CACNB4: variants seen among roughly 807,000 people sequenced by gnomAD.
The protein encoded by CACNB4 is calcium voltage-gated channel auxiliary subunit beta 4, also known as voltage-dependent L-type calcium channel subunit beta-4.
Under a neutral mutation model 71.2 loss-of-function variants are expected in CACNB4, and 32 were observed. That is an observed-to-expected ratio of 0.45 (90% CI 0.34 to 0.60). The LOEUF is 0.60. CACNB4 is among the 20% of genes least tolerant of loss of function. CACNB4 has a pLI of 0.01. For missense variants in CACNB4, 464 were observed against 647.9 expected, an observed-to-expected ratio of 0.72 and a Z score of 3.08; for synonymous variants, 231 against 236.9, an observed-to-expected ratio of 0.97 and a Z score of 0.23.
chr2:152,068,305 CAT>C (rs1686463965), intron 2 of CACNB4, among the ~76,000 whole-genome samples: 2 of 152,154 alleles, frequency 1.3e-5, no homozygotes, highest in African/African-American at 4.8e-5. Context: ...AAAGTCTTCA[CAT>C]GAGGTAGCTG....
intron 2 of CACNB4, among the ~76,000 whole-genome samples, chr2:152,054,672 A>T (rs1045022373): frequency 6.6e-6 from 1 of 152,158 alleles, no homozygotes; most frequent in African/African-American, 2.4e-5. Context: ...TGGTAGTTGC[A>T]CCATTTTACA....
At chr2:152,067,990 G>A (rs1686442368) in intron 2 of CACNB4, among the ~76,000 whole-genome samples, 3 of 152,152 alleles carry the variant, frequency 2.0e-5, no homozygotes, top group Admixed American at 1.3e-4. Context: ...ATTGTGAAAG[G>A]CCTCCTTGAC....
chr2:151,895,101 C>A (rs1388519561), intron 2 of CACNB4, among the ~76,000 whole-genome samples: 3 of 9,386 alleles, frequency 3.2e-4, no homozygotes, highest in Non-Finnish European at 5.2e-4. Flanking sequence ...TAGCCCCACA[C>A]ACACACACAC....
At position 151,870,567 on chromosome 2, in the gene CACNB4, C is replaced by G. The variant is rs556493774; in HGVS notation, c.663G>C (p.Pro221=). 1 of 1,613,856 alleles carries G rather than the reference C, an allele frequency of 6.2e-7. No individual in the cohort carries two copies. Among genetic ancestry groups the G allele is most frequent in the South Asian group, 1.1e-5 (1 of 91,054 alleles). ...PPYDVVPSMR[P]VVLVGPSLKG... ...TCAGTGACGGCCCCACTAACACCACCGGACGCATTGACGGTACAACATCGT... is the reference window on the plus strand; with the variant it reads ...TCAGTGACGGCCCCACTAACACCACGGGACGCATTGACGGTACAACATCGT... Residue 221 remains proline (P), a synonymous_variant, in exon 8 of 14, where the codon CCG becomes CCC. Coordinates refer to ENST00000539935, the MANE Select transcript of CACNB4 (RefSeq NM_000726.5).
At chr2:151,924,654 G>A (rs2099859800) in intron 2 of CACNB4, among the ~76,000 whole-genome samples, 2 of 151,966 alleles carry the variant, frequency 1.3e-5, no homozygotes, top group South Asian at 4.1e-4. Context: ...TCCCTAAGAA[G>A]CATTCTCAAT....
chr2:152,034,931 G>T (rs1279104481), intron 2 of CACNB4, among the ~76,000 whole-genome samples: 4 of 152,218 alleles, frequency 2.6e-5, no homozygotes, highest in Non-Finnish European at 4.4e-5. Context: ...AAGGAATCGT[G>T]AGTGCAGCTG....
chr2:152,098,564 G>GCGGGCCCCCCCCCCCCCCCC lies in CACNB4; in HGVS notation c.64-152_64-151insGGGGGGGGGGGGGGGGCCCG. 1.1e-6 allele frequency: 1 copy of GCGGGCCCCCCCCCCCCCCCC among 931,268 alleles called. No homozygotes were observed. Among genetic ancestry groups the GCGGGCCCCCCCCCCCCCCCC allele is most frequent in the Non-Finnish European group, 1.7e-6 (1 of 583,194 alleles). The allele number at this position is 931,268 out of a possible 1,614,324, so 57.7% of individuals were successfully genotyped here. ...GTCTCCTCCGCGACTCCCAAATACAGCCCCCACCCCCACCCACCCACTGCA... is the reference window on the plus strand; with the variant it reads ...GTCTCCTCCGCGACTCCCAAATACAGCGGGCCCCCCCCCCCCCCCCCCCCCACCCCCACCCACCCACTGCA... On this transcript the variant is annotated intron_variant, in intron 1 of 13. Coordinates refer to ENST00000539935, the MANE Select transcript of CACNB4 (RefSeq NM_000726.5). The surrounding 1 kb of genome is among the most constrained non-coding windows in gnomAD (Gnocchi z 5.3).
intron 2 of CACNB4, among the ~76,000 whole-genome samples, chr2:151,900,683 G>A (rs931477702): frequency 2.3e-4 from 35 of 152,260 alleles, no homozygotes; most frequent in Middle Eastern, 3.4e-3. Flanking sequence ...GTTTCAGATC[G>A]AAAAGGATGC....
chr2:151,940,899 C>T (rs1203406034), intron 2 of CACNB4, among the ~76,000 whole-genome samples: 1 of 152,200 alleles, frequency 6.6e-6, no homozygotes, highest in Non-Finnish European at 1.5e-5. Context: ...TCTTGTCCAA[C>T]TCAGTCCTGG....
intron 2 of CACNB4, among the ~76,000 whole-genome samples, chr2:152,056,123 G>A (rs944454065): frequency 6.6e-6 from 1 of 152,120 alleles, no homozygotes; most frequent in Non-Finnish European, 1.5e-5. Flanking sequence ...AGCACTTTAG[G>A]AGGCCAAGGC....
chr2:151,893,562 A>G (rs1259464529), intron 2 of CACNB4, among the ~76,000 whole-genome samples: 1 of 152,142 alleles, frequency 6.6e-6, no homozygotes, highest in Non-Finnish European at 1.5e-5. Flanking sequence ...TATAAAAATA[A>G]ATTATAGATG....
intron 2 of CACNB4, among the ~76,000 whole-genome samples, chr2:151,903,131 A>G (rs1438462682): frequency 1.3e-5 from 2 of 152,208 alleles, no homozygotes; most frequent in Non-Finnish European, 2.9e-5. Context: ...AGGTATAAAT[A>G]TGTATTAATA....
intron 2 of CACNB4, among the ~76,000 whole-genome samples, chr2:151,983,408 C>T (rs969833768): frequency 2.6e-5 from 4 of 152,130 alleles, no homozygotes; most frequent in Non-Finnish European, 5.9e-5. Flanking sequence ...GCACTAAGTC[C>T]AAAGCCTTTC....
At chr2:152,050,849 GC>G (rs1685391478) in intron 2 of CACNB4, among the ~76,000 whole-genome samples, 1 of 152,000 alleles carries the variant, frequency 6.6e-6, no homozygotes, top group South Asian at 2.1e-4. Context: ...GCTCACTGCA[GC>G]CTCGATCTCG....
At chr2:151,870,983 C>A (rs934706527) in intron 6 of CACNB4, 122 bp from the exon 7 acceptor site, 4 of 704,962 alleles carry the variant, frequency 5.7e-6, no homozygotes, top group African/African-American at 1.8e-5. Context: ...ACCTTCCTAT[C>A]GCCCACTTTG....
At chr2:152,059,521 CCT>C (rs1405590165) in intron 2 of CACNB4, among the ~76,000 whole-genome samples, 3 of 152,214 alleles carry the variant, frequency 2.0e-5, no homozygotes, top group African/African-American at 7.2e-5. Flanking sequence ...GCTTGTAGCC[CCT>C]GTTTTGGCCA....
intron 9 of CACNB4, among the ~76,000 whole-genome samples, chr2:151,865,457 G>A (rs1044003524): frequency 2.0e-5 from 3 of 152,304 alleles, no homozygotes; most frequent in Non-Finnish European, 1.5e-5. Flanking sequence ...ATGTCACAGA[G>A]TTGATCTGAT....
intron 2 of CACNB4, among the ~76,000 whole-genome samples, chr2:152,062,229 A>T (rs1046663103): frequency 3.3e-5 from 5 of 152,024 alleles, no homozygotes; most frequent in Admixed American, 2.0e-4. Context: ...TTCCTAATGC[A>T]TTACAACAGA....
At chr2:152,050,476 T>C (rs1685363658) in intron 2 of CACNB4, among the ~76,000 whole-genome samples, 1 of 152,102 alleles carries the variant, frequency 6.6e-6, no homozygotes, top group Admixed American at 6.5e-5. Flanking sequence ...AGATGGAAAG[T>C]TAAAGTCGTT....
Sources: allele counts gnomAD v4.1 joint callset (sites outside exome capture counted in the v4.1 genomes callset), GRCh38; gene constraint gnomAD v4.1.1; non-coding constraint Gnocchi (gnomAD v3.1); transcripts MANE v1.5; gene names NCBI Gene and HGNC (gene_info 2026-07-23, HGNC 2026-07-21).